Variants in GTPBP4 observed in about 807,000 individuals in gnomAD.
The protein encoded by GTPBP4 is GTP-binding protein 4.
Under a neutral mutation model 81.7 loss-of-function variants are expected in GTPBP4, and 15 were observed. The ratio of observed to expected loss-of-function variants is 0.18; its 90% CI spans 0.12 to 0.28. GTPBP4 has a LOEUF of 0.28. Ranked by LOEUF, GTPBP4 falls within the 10% of genes least tolerant of loss-of-function variation. The probability of loss-of-function intolerance (pLI) is 1.00; values close to 1 mark genes in which losing one functional copy is unlikely to be tolerated. For missense variants in GTPBP4, 847 were observed against 793.8 expected, an observed-to-expected ratio of 1.07 and a Z score of -0.81; for synonymous variants, 272 against 274.6, an observed-to-expected ratio of 0.99 and a Z score of 0.09.
chr10:1,011,872 C>A (rs994736867), intron 13 of GTPBP4, among the ~76,000 whole-genome samples: 1 of 152,216 alleles, frequency 6.6e-6, no homozygotes, highest in Middle Eastern at 3.2e-3. Context: ...AGCCTTGAGA[C>A]TTCCCTCCTC....
intron 13 of GTPBP4, among the ~76,000 whole-genome samples, chr10:1,011,021 G>C (rs564742572): frequency 1.3e-5 from 1 of 75,658 alleles, no homozygotes; most frequent in South Asian, 4.9e-4. Context: ...CTGTGTCTCC[G>C]CCAGGCCCTG....
chr10:1,000,140 A>T (rs1288478644), intron 6 of GTPBP4, among the ~76,000 whole-genome samples: 1 of 151,246 alleles, frequency 6.6e-6, no homozygotes, highest in East Asian at 1.9e-4. Flanking sequence ...CATTTCTTTG[A>T]GCTCTACAGG....
chr10:1,000,386 C>T (rs763908872), intron 6 of GTPBP4, among the ~76,000 whole-genome samples: 5 of 151,452 alleles, frequency 3.3e-5, no homozygotes, highest in Admixed American at 6.6e-5. Flanking sequence ...TACAGGTGCC[C>T]GCCACCACGC....
At chr10:1,010,005 GCA>G (rs1831821662) in intron 12 of GTPBP4, among the ~76,000 whole-genome samples, 1 of 152,188 alleles carries the variant, frequency 6.6e-6, no homozygotes, top group Middle Eastern at 3.4e-3. Context: ...AAAGAAAGGT[GCA>G]TGCTGATAGC....
intron 9 of GTPBP4, 34 bp downstream of exon 9, chr10:1,005,941 T>G: frequency 9.8e-7 from 1 of 1,025,466 alleles, no homozygotes; most frequent in Non-Finnish European, 1.5e-6. Flanking sequence ...ATTAGTCTTT[T>G]TACTGTCTCT....
At chr10:1,011,657 C>T (rs1168024999) in intron 13 of GTPBP4, among the ~76,000 whole-genome samples, 1 of 152,250 alleles carries the variant, frequency 6.6e-6, no homozygotes, top group East Asian at 1.9e-4. Flanking sequence ...GGTCTCTGTG[C>T]TCCCTGTGCC....
rs1184846171 is a variant in GTPBP4, at chr10:1,019,301, C to T, written c.*2074C>T. On this transcript the variant is annotated 3_prime_UTR_variant, in exon 17 of 17. Transcript: ENST00000360803. Reference sequence around the variant, plus strand: ...TGGGACAAAGGAAATGTTAAATTTCCTCCCTGCAACCAGGCAGATGAGAAA... The same window carrying T: ...TGGGACAAAGGAAATGTTAAATTTCTTCCCTGCAACCAGGCAGATGAGAAA... The T allele has an allele frequency of 5.8e-6, 3 of 514,596 alleles. No individual in the cohort carries two copies. The highest frequency in any genetic ancestry group is 3.2e-5 in the East Asian group (1 of 31,032). The allele number at this position is 514,596 out of a possible 1,614,324, so 31.9% of individuals were successfully genotyped here.
At chr10:1,006,892 C>G (rs1326851837) in intron 9 of GTPBP4, 126 bp from the exon 10 acceptor site, 4 of 653,692 alleles carry the variant, frequency 6.1e-6, no homozygotes, top group African/African-American at 1.8e-5. Context: ...GAATGTGGCC[C>G]CCTACGTGTT....
intron 6 of GTPBP4, 69 bp from the exon 7 acceptor site, chr10:1,000,608 T>A: frequency 2.3e-6 from 2 of 879,458 alleles, no homozygotes; most frequent in Non-Finnish European, 3.3e-6. Context: ...TGTGAGTGAC[T>A]TCTGGGATGT....
In GTPBP4 at chr10:1,012,599, G is replaced by A. The variant is rs369794717; in HGVS notation, c.1479G>A (p.Leu493=). The A allele has an allele frequency of 2.0e-5, 33 of 1,613,938 alleles. No individual in the cohort carries two copies. In the African/African-American group the frequency reaches 3.3e-4, roughly 16 times the overall value. The change falls in exon 14 of 17, where the codon TTG becomes TTA. Residue 493 remains leucine (L), a synonymous_variant. Coordinates refer to ENST00000360803, the MANE Select transcript of GTPBP4 (RefSeq NM_012341.3). The part of the protein sequence containing the change: ...LAKQIREKKK[L]KILESKEKNT... ...AGCAAATTCGAGAGAAAAAGAAGTTGAAAATTCTGGAGTCCAAAGAAAAGA... is the reference window on the plus strand; with the variant it reads ...AGCAAATTCGAGAGAAAAAGAAGTTAAAAATTCTGGAGTCCAAAGAAAAGA...
intron 2 of GTPBP4, among the ~76,000 whole-genome samples, chr10:993,268 TTGGAGAC>T (rs1254678129): frequency 6.6e-6 from 1 of 152,212 alleles, no homozygotes; most frequent in Non-Finnish European, 1.5e-5. Context: ...TCTCTTTTTT[TTGGAGAC>T]TGAGTCTCAC....
At chr10:1,000,540 CT>C (rs74260825) in intron 6 of GTPBP4, 136 bp from the exon 7 acceptor site, 78,662 of 377,584 alleles carry the variant, frequency 0.21, no homozygotes, top group East Asian at 0.28. Context: ...CCCAGCCCTA[CT>C]TTTTTTTTTT....
intron 12 of GTPBP4, among the ~76,000 whole-genome samples, 175 bp from the exon 13 acceptor site, chr10:1,010,245 G>A (rs373066102): frequency 1.4e-3 from 219 of 151,742 alleles, no homozygotes; most frequent in African/African-American, 5.0e-3. Flanking sequence ...CTTTCTCCAC[G>A]TGTGGGTGTT....
At chr10:1,011,525 T>G (rs375930968) in intron 13 of GTPBP4, among the ~76,000 whole-genome samples, 1 of 150,586 alleles carries the variant, frequency 6.6e-6, no homozygotes, top group Admixed American at 6.6e-5. Context: ...TCCTGCCTTC[T>G]TCTCTCAGCT....
chr10:1,015,494 T>C (rs7920953), intron 15 of GTPBP4, among the ~76,000 whole-genome samples: 1,186 of 4,818 alleles, frequency 0.25, 413 homozygotes, highest in East Asian at 0.36. Flanking sequence ...AGCCTGGGAG[T>C]GGGGCTGGGG....
At chr10:997,859 G>A (rs1831561342) in intron 5 of GTPBP4, among the ~76,000 whole-genome samples, 1 of 152,194 alleles carries the variant, frequency 6.6e-6, no homozygotes, top group Non-Finnish European at 1.5e-5. Context: ...GTGCCGAGTC[G>A]CTCTTTCCCT....
chr10:1,000,339 G>A (rs1215637524), intron 6 of GTPBP4, among the ~76,000 whole-genome samples: 2 of 140,704 alleles, frequency 1.4e-5, no homozygotes, highest in Admixed American at 7.7e-5. Context: ...CCTGGTTCAC[G>A]CCATTCTCCT....
rs376461617 is a variant in GTPBP4, at chr10:1,008,983, G to C, written c.1139G>C (p.Gly380Ala). 8 of 1,612,438 alleles carry C rather than the reference G, an allele frequency of 5.0e-6. No individual in the cohort carries two copies. The highest frequency in any genetic ancestry group is 6.8e-6 in the Non-Finnish European group (8 of 1,178,556). The change falls in exon 11 of 17, where the codon GGA (glycine) becomes GCA (alanine). Residue 380 changes from glycine to alanine, a missense_variant. This residue lies in a region of GTPBP4 where 600 missense variants were observed against 557.1 expected (regional missense o/e 1.08). Transcript: ENST00000360803. ...DKERPPFIPEGVVARRKRMET... is the reference protein window; with the variant it reads ...DKERPPFIPEAVVARRKRMET... The stretch of plus-strand genomic sequence containing the variant: ...GAGAGGCCCCCTTTCATCCCTGAAG[G>C]AGTGGTGGCTCGCAGGAAGAGGATG...
rs144375591 is a variant in GTPBP4, at chr10:997,513, C to T, written c.561+205C>T. 2.9e-4 allele frequency among the ~76,000 whole-genome samples: 44 copies of T among 152,366 alleles called. No homozygotes were observed. The East Asian group carries it at 6.4e-3, about 22-fold the overall frequency. On this transcript the variant is annotated intron_variant, in intron 5 of 16. Transcript: ENST00000360803. ...CACTGCCCTGGTCTGCAGGAGTTCC[C>T]GGTGCCTGAGCACGCCGAGCTCCTC...
Sources: gnomAD v4.1 joint callset for allele counts (sites outside exome capture counted in the v4.1 genomes callset) on GRCh38, gnomAD v4.1.1 for gene constraint, gnomAD v4.1.1 regional missense constraint, MANE v1.5 for transcripts, NCBI Gene and HGNC (gene_info 2026-07-23, HGNC 2026-07-21) for gene names.